The following ZBTB20 variants were observed in gnomAD, a reference collection of about 807,000 sequenced individuals.
ZBTB20 encodes the protein zinc finger and BTB domain containing 20.
A neutral mutation model predicts 56.9 loss-of-function variants in ZBTB20; 9 were observed. The ratio of observed to expected loss-of-function variants is 0.16; its 90% CI spans 0.10 to 0.28. The LOEUF (loss-of-function observed/expected upper bound fraction) is 0.28. Ranked by LOEUF, ZBTB20 falls within the 10% of genes least tolerant of loss-of-function variation. The probability of loss-of-function intolerance (pLI) is 1.00; values close to 1 mark genes in which losing one functional copy is unlikely to be tolerated. For synonymous variants in ZBTB20, 417 were observed against 420.7 expected (o/e 0.99, Z 0.11); for missense variants, 655 against 1,003.0 (o/e 0.65, Z 4.69).
chr3:114,884,829 C>T (rs894201807), intron 4 of ZBTB20, among the ~76,000 whole-genome samples: 1 of 152,116 alleles, frequency 6.6e-6, no homozygotes, highest in African/African-American at 2.4e-5. Context: ...AGGGCTGATA[C>T]TACTACTTGA....
chr3:114,749,656 T>C (rs1009247373), intron 5 of ZBTB20, among the ~76,000 whole-genome samples: 1 of 152,084 alleles, frequency 6.6e-6, no homozygotes, highest in Non-Finnish European at 1.5e-5. Context: ...AATTATACTA[T>C]AAACTTCTTT....
chr3:115,065,856 AT>A (rs1453598626), intron 2 of ZBTB20, among the ~76,000 whole-genome samples: 1 of 152,186 alleles, frequency 6.6e-6, no homozygotes, highest in Non-Finnish European at 1.5e-5. Flanking sequence ...TCAAATAGAT[AT>A]CCCCTTAAAG....
At position 114,478,894 on chromosome 3, in the gene ZBTB20, G is replaced by A. The variant is rs555839759; in HGVS notation, c.-255+21458C>T. On this transcript the variant is annotated intron_variant, in intron 7 of 11. Transcript: ENST00000675478. Reference sequence around the variant, plus strand: ...TCCTGTGCAACATACTTTAGACCAAGGCAGTCAAGAAATACTAAAGGGGAT... The same window carrying A: ...TCCTGTGCAACATACTTTAGACCAAAGCAGTCAAGAAATACTAAAGGGGAT... Among the ~76,000 whole-genome samples the A allele has an allele frequency of 5.9e-5, 9 of 152,258 alleles. No individual in the cohort carries two copies. The South Asian group carries it at 1.9e-3, about 32-fold the overall frequency.
intron 6 of ZBTB20, chr3:114,502,663 C>A (rs770766702): frequency 2.0e-5 from 3 of 152,044 alleles, no homozygotes. Flanking sequence ...GATTTTAAAG[C>A]TCTAAGTTTT....
chr3:114,611,160 C>G (rs2057522362), intron 6 of ZBTB20, among the ~76,000 whole-genome samples: 1 of 152,102 alleles, frequency 6.6e-6, no homozygotes, highest in South Asian at 2.1e-4. Flanking sequence ...ATGCTCTGCC[C>G]TGAGGTTTCT....
At chr3:114,346,272 G>T (rs553232458) in intron 11 of ZBTB20, among the ~76,000 whole-genome samples, 1 of 152,328 alleles carries the variant, frequency 6.6e-6, no homozygotes, top group South Asian at 2.1e-4. Context: ...TCAGAGACAG[G>T]AAATAGAGCA....
chr3:114,512,088 T>C (rs1412866714), intron 6 of ZBTB20, among the ~76,000 whole-genome samples: 1 of 152,272 alleles, frequency 6.6e-6, no homozygotes. Context: ...CAATACAGTA[T>C]GTCCCTTACT....
chr3:115,040,498 A>G (rs2081097039), intron 2 of ZBTB20, among the ~76,000 whole-genome samples: 2 of 152,108 alleles, frequency 1.3e-5, no homozygotes, highest in Non-Finnish European at 2.9e-5. Context: ...ATGGAATGAT[A>G]TTTCAGGCAG....
chr3:114,469,560 T>C (rs1056152131), intron 7 of ZBTB20, among the ~76,000 whole-genome samples: 2 of 152,214 alleles, frequency 1.3e-5, no homozygotes, highest in Non-Finnish European at 2.9e-5. Flanking sequence ...ATGTTCTGGT[T>C]CTGATTCATG....
chr3:114,791,913 G>T (rs1225419083), intron 5 of ZBTB20: 1 of 152,144 alleles, frequency 6.6e-6, no homozygotes, highest in Non-Finnish European at 1.5e-5. Flanking sequence ...CCCCCTGAAA[G>T]AATCTCAGCT....
chr3:114,436,859 A>G (rs183193157), intron 7 of ZBTB20, among the ~76,000 whole-genome samples: 2 of 152,238 alleles, frequency 1.3e-5, no homozygotes, highest in Non-Finnish European at 2.9e-5. Flanking sequence ...AAAACAAAAA[A>G]GAAAGGGGTG....
At chr3:115,063,668 C>G (rs1560539004) in intron 2 of ZBTB20, among the ~76,000 whole-genome samples, 1 of 151,706 alleles carries the variant, frequency 6.6e-6, no homozygotes, top group Admixed American at 6.6e-5. Context: ...CACACACACA[C>G]ACACACACAC....
chr3:114,710,555 G>C (rs1353592997), intron 5 of ZBTB20, among the ~76,000 whole-genome samples: 1 of 152,032 alleles, frequency 6.6e-6, no homozygotes, highest in Admixed American at 6.6e-5. Context: ...CAGTGGCTGG[G>C]GTGAAATGCC....
intron 6 of ZBTB20, among the ~76,000 whole-genome samples, chr3:114,508,179 C>A (rs906828351): frequency 6.6e-6 from 1 of 152,108 alleles, no homozygotes; most frequent in Non-Finnish European, 1.5e-5. Context: ...AACAGGAGAA[C>A]CACTAAACAA....
At chr3:114,933,107 C>A (rs1405228227) in intron 3 of ZBTB20, among the ~76,000 whole-genome samples, 1 of 152,228 alleles carries the variant, frequency 6.6e-6, no homozygotes, top group Non-Finnish European at 1.5e-5. Flanking sequence ...CCATCATAGT[C>A]ATTCCTGACC....
intron 4 of ZBTB20, among the ~76,000 whole-genome samples, chr3:114,808,148 G>A (rs1280566975): frequency 6.6e-6 from 1 of 151,976 alleles, no homozygotes; most frequent in Non-Finnish European, 1.5e-5. Flanking sequence ...TTTATTACGA[G>A]TCTGTTCATA....
intron 2 of ZBTB20, among the ~76,000 whole-genome samples, chr3:114,999,799 T>C (rs2079174132): frequency 6.6e-6 from 1 of 151,704 alleles, no homozygotes; most frequent in Admixed American, 6.6e-5. Flanking sequence ...CTCTATAATA[T>C]ACAATATGCA....
intron 4 of ZBTB20, among the ~76,000 whole-genome samples, chr3:114,858,815 A>G (rs1267271439): frequency 6.6e-6 from 1 of 152,102 alleles, no homozygotes; most frequent in Admixed American, 6.5e-5. Flanking sequence ...TGTATTTTCC[A>G]TTTTTTAGTG....
intron 2 of ZBTB20, among the ~76,000 whole-genome samples, chr3:115,001,094 A>G (rs1227269327): frequency 1.3e-5 from 2 of 151,160 alleles, no homozygotes; most frequent in African/African-American, 4.8e-5. Context: ...AAATCAAAAA[A>G]AAAAAAAAAC....
Sources: gnomAD v4.1 joint callset for allele counts (sites outside exome capture counted in the v4.1 genomes callset) on GRCh38, gnomAD v4.1.1 for gene constraint, MANE v1.5 for transcripts, NCBI Gene and HGNC (gene_info 2026-07-23, HGNC 2026-07-21) for gene names.